The following SLC7A8 variants were observed in gnomAD, a reference collection of about 807,000 sequenced individuals.
SLC7A8 encodes solute carrier family 7 member 8.
In SLC7A8, 30 loss-of-function variants were observed where a neutral mutation model predicts 51.2. The ratio of observed to expected loss-of-function variants is 0.59; its 90% CI spans 0.44 to 0.80. SLC7A8 has a LOEUF of 0.80. Among genes scored for constraint, SLC7A8 ranks in the 30% least tolerant of loss-of-function variants. The probability of loss-of-function intolerance (pLI) is 0.00; values close to 1 mark genes in which losing one functional copy is unlikely to be tolerated. For missense variants in SLC7A8, 612 were observed against 674.4 expected (o/e 0.91, Z 1.03); for synonymous variants, 257 against 275.8 (o/e 0.93, Z 0.67).
intron 7 of SLC7A8, among the ~76,000 whole-genome samples, chr14:23,133,274 CA>C (rs1172518770): frequency 3.3e-5 from 5 of 151,800 alleles, no homozygotes; most frequent in African/African-American, 1.2e-4. Context: ...CTTGTCTCTA[CA>C]AAAAATAAAA....
chr14:23,166,919 A>C (rs1238270040), intron 1 of SLC7A8, among the ~76,000 whole-genome samples: 1 of 152,162 alleles, frequency 6.6e-6, no homozygotes, highest in African/African-American at 2.4e-5. Context: ...CCTCCAGCTG[A>C]GCGACACGTG....
chr14:23,135,953 C>T (rs2140307575), intron 7 of SLC7A8, among the ~76,000 whole-genome samples: 1 of 152,258 alleles, frequency 6.6e-6, no homozygotes. Flanking sequence ...TAGAAGCTGT[C>T]AACAGTAATT....
At chr14:23,152,639 T>G (rs570614844) in intron 3 of SLC7A8, among the ~76,000 whole-genome samples, 12 of 152,220 alleles carry the variant, frequency 7.9e-5, no homozygotes, top group African/African-American at 2.9e-4. Flanking sequence ...TCTCTAGAAC[T>G]CCTGGGCTCA....
rs564939405 is a variant in SLC7A8 at position 23,181,587 on chromosome 14, T to C, written c.151+1177A>G. 2.0e-5 allele frequency among the ~76,000 whole-genome samples: 3 copies of C among 152,364 alleles called. 1 individual carries two copies. The South Asian group carries it at 6.2e-4, about 32-fold the overall frequency. ...TCAAGAGTGCTCTCCAGTGTCACTA[T>C]TGCTCAGATGCCAAAATATCTCTGA... On this transcript the variant is annotated intron_variant, in intron 1 of 10. Transcript: ENST00000316902.
At position 23,155,119 on chromosome 14, in the gene SLC7A8, T is replaced by C. The variant is rs549289030; in HGVS notation, c.508+10166A>G. ...GAAACAGATCTTGCCTATCGCACGA[T>C]AGTAACATTTCCCCTTCTCCAGCCC... is the stretch of plus-strand genomic sequence containing the variant. On this transcript the variant is annotated intron_variant, in intron 3 of 10. Coordinates refer to ENST00000316902, the MANE Select transcript of SLC7A8 (RefSeq NM_012244.4). The C allele has an allele frequency of 4.5e-5, 68 of 1,507,226 alleles. 1 individual carries two copies. The African/African-American group carries it at 8.8e-4, about 20-fold the overall frequency. The allele number at this position is 1,507,226 out of a possible 1,614,324, so 93.4% of individuals were successfully genotyped here.
In SLC7A8 at chr14:23,128,694, T is replaced by C. The variant is rs1173184304; in HGVS notation, c.1264-498A>G. ...CCTTATGTGGGCACAATATGGCAAATGTCAGCTCCTTATGGGCCACATGTG... is the reference window on the plus strand; with the variant it reads ...CCTTATGTGGGCACAATATGGCAAACGTCAGCTCCTTATGGGCCACATGTG... On this transcript the variant is annotated intron_variant, in intron 9 of 10. Coordinates refer to ENST00000316902, the MANE Select transcript of SLC7A8 (RefSeq NM_012244.4). This position sits in a 1 kb window ranked among gnomAD's most constrained non-coding sequence, Gnocchi z 4.3. Among the ~76,000 whole-genome samples the C allele has an allele frequency of 2.6e-5, 4 of 152,212 alleles. No individual in the cohort carries two copies. Among genetic ancestry groups the C allele is most frequent in the Non-Finnish European group, 5.9e-5 (4 of 68,024 alleles).
rs143452647 is a variant in SLC7A8 at position 23,139,182 on chromosome 14, C to T, written c.912+242G>A. Among the ~76,000 whole-genome samples, 28 of 152,270 alleles carry T rather than the reference C, an allele frequency of 1.8e-4. No individual in the cohort carries two copies. The South Asian group carries it at 1.9e-3, about 10-fold the overall frequency. ...ATGTCTTATAGCTTCTCAGGCCACG[C>T]GGTCTCTGTGGCAATGACTCGGTTC... On this transcript the variant is annotated intron_variant, in intron 6 of 10. Coordinates refer to ENST00000316902, the MANE Select transcript of SLC7A8 (RefSeq NM_012244.4).
At chr14:23,163,049 A>C (rs1278976882) in intron 3 of SLC7A8, among the ~76,000 whole-genome samples, 1 of 152,160 alleles carries the variant, frequency 6.6e-6, no homozygotes, top group Non-Finnish European at 1.5e-5. Flanking sequence ...ATCTGATGGC[A>C]GAAACAGCAC....
chr14:23,132,085 A>G (rs577992371), intron 7 of SLC7A8, among the ~76,000 whole-genome samples: 34 of 146,434 alleles, frequency 2.3e-4, no homozygotes, highest in Middle Eastern at 3.6e-3. Flanking sequence ...GCTCACTGCA[A>G]CCTCCGCCTC....
At chr14:23,173,911 AAT>A (rs1478470329) in intron 1 of SLC7A8, among the ~76,000 whole-genome samples, 4 of 152,228 alleles carry the variant, frequency 2.6e-5, no homozygotes, top group Non-Finnish European at 5.9e-5. Context: ...AAAGTGCTGG[AAT>A]TACAAGTATG....
chr14:23,180,431 C>T (rs1257157836), intron 1 of SLC7A8, among the ~76,000 whole-genome samples: 1 of 152,132 alleles, frequency 6.6e-6, no homozygotes, highest in African/African-American at 2.4e-5. Context: ...ATTTTGTCCC[C>T]TGTTATCATC....
At chr14:23,151,829 T>C (rs1026302966) in intron 3 of SLC7A8, among the ~76,000 whole-genome samples, 1 of 150,516 alleles carries the variant, frequency 6.6e-6, no homozygotes, top group Non-Finnish European at 1.5e-5. Flanking sequence ...TTTGGGAAGC[T>C]GAGGCGGATA....
At chr14:23,149,548 A>T (rs1594829866) in intron 3 of SLC7A8, among the ~76,000 whole-genome samples, 1 of 152,328 alleles carries the variant, frequency 6.6e-6, no homozygotes, top group East Asian at 1.9e-4. Flanking sequence ...GCCATAAAAG[A>T]AGTCAAGATA....
At chr14:23,154,620 T>C (rs1231447161) in intron 3 of SLC7A8, among the ~76,000 whole-genome samples, 2 of 152,166 alleles carry the variant, frequency 1.3e-5, no homozygotes, top group African/African-American at 4.8e-5. Flanking sequence ...AAGGCGCTGA[T>C]AGGCAAAGAA....
intron 1 of SLC7A8, among the ~76,000 whole-genome samples, chr14:23,182,125 G>A (rs1333342396): frequency 6.6e-6 from 1 of 152,176 alleles, no homozygotes; most frequent in African/African-American, 2.4e-5. Flanking sequence ...CAGGCAACTG[G>A]AGAAACTGCA....
intron 5 of SLC7A8, among the ~76,000 whole-genome samples, chr14:23,140,153 C>T (rs1391984392): frequency 1.3e-5 from 2 of 152,218 alleles, no homozygotes; most frequent in Non-Finnish European, 2.9e-5. Context: ...CCAAGACCGG[C>T]CTGTCCTGAA....
chr14:23,177,993 T>G (rs911785810), intron 1 of SLC7A8, among the ~76,000 whole-genome samples: 1 of 152,262 alleles, frequency 6.6e-6, no homozygotes, highest in Non-Finnish European at 1.5e-5. Flanking sequence ...CAAGCTTGAT[T>G]CAGGATGCAG....
chr14:23,130,036 G>A, intron 8 of SLC7A8: 3 of 500,976 alleles, frequency 6.0e-6, no homozygotes, highest in South Asian at 5.2e-5. Flanking sequence ...GTATGGCACG[G>A]GCACTAGCCA....
rs1370585403 is a variant in SLC7A8 at position 23,183,020 on chromosome 14, T to C, written c.-106A>G. 13 of 1,394,984 alleles carry C rather than the reference T, an allele frequency of 9.3e-6. No individual in the cohort carries two copies. The South Asian group carries it at 1.3e-4, about 14-fold the overall frequency. The allele number at this position is 1,394,984 out of a possible 1,614,324, so 86.4% of individuals were successfully genotyped here. ...TGAATTAGAACGTCCTTTTCCGAAATAGGAACCACTGCTACTCTCTAAAAA... is the reference window on the plus strand; with the variant it reads ...TGAATTAGAACGTCCTTTTCCGAAACAGGAACCACTGCTACTCTCTAAAAA... On this transcript the variant is annotated 5_prime_UTR_variant, in exon 1 of 11. Coordinates refer to ENST00000316902, the MANE Select transcript of SLC7A8 (RefSeq NM_012244.4).
Sources: gnomAD v4.1 joint callset for allele counts (sites outside exome capture counted in the v4.1 genomes callset) on GRCh38, gnomAD v4.1.1 for gene constraint, Gnocchi (gnomAD v3.1) non-coding constraint, MANE v1.5 for transcripts, NCBI Gene and HGNC (gene_info 2026-07-23, HGNC 2026-07-21) for gene names.